UGT1A9: variants seen among roughly 807,000 people sequenced by gnomAD.
UGT1A9 encodes UDP-glucuronosyltransferase 1A9.
Under a neutral mutation model 45.0 loss-of-function variants are expected in UGT1A9, and 35 were observed. The ratio of observed to expected loss-of-function variants is 0.78; its 90% CI spans 0.59 to 1.03. The LOEUF (loss-of-function observed/expected upper bound fraction) is 1.03, where lower values mean the gene tolerates loss of function less well. UGT1A9 is among the 50% of genes least tolerant of loss of function. The probability of loss-of-function intolerance (pLI) is 0.00; values close to 1 mark genes in which losing one functional copy is unlikely to be tolerated. For missense variants in UGT1A9, 687 were observed against 666.6 expected (o/e 1.03, Z -0.34); for synonymous variants, 278 against 250.6 (o/e 1.11, Z -1.03).
rs779826535 is a variant in UGT1A9 at position 233,768,441 on chromosome 2, TAAGA to T, written c.1295+8_1295+11del. ...AAAAGCAGTCATCAATGACAAAAGGTAAGAAAGAAGATACAGAAGAATACTTTGG... is the reference window on the plus strand; with the variant it reads ...AAAAGCAGTCATCAATGACAAAAGGTAAGAAGATACAGAAGAATACTTTGG... On this transcript the variant is annotated splice_donor_5th_base_variant and intron_variant, in intron 4 of 4. Coordinates refer to ENST00000354728, the MANE Select transcript of UGT1A9 (RefSeq NM_021027.3). 2 of 1,613,308 alleles carry T rather than the reference TAAGA, an allele frequency of 1.2e-6. No individual in the cohort carries two copies. Among genetic ancestry groups the T allele is most frequent in the Non-Finnish European group, 1.7e-6 (2 of 1,179,602 alleles).
rs1325000150 is a variant in UGT1A9, at chr2:233,680,537, C to A, written c.855+7748C>A. Among the ~76,000 whole-genome samples the A allele has an allele frequency of 2.0e-5, 3 of 152,106 alleles. No individual in the cohort carries two copies. The East Asian group carries it at 5.8e-4, about 29-fold the overall frequency. The stretch of plus-strand genomic sequence containing the variant: ...TATGCCCTGAGGTTGGCTGTTGAAT[C>A]CCTCACGAAATGCTCCTCAGTGTGT... On this transcript the variant is annotated intron_variant, in intron 1 of 4. Coordinates refer to ENST00000354728, the MANE Select transcript of UGT1A9 (RefSeq NM_021027.3).
chr2:233,706,700 A>G (rs934221119), intron 1 of UGT1A9, among the ~76,000 whole-genome samples: 1 of 152,156 alleles, frequency 6.6e-6, no homozygotes, highest in African/African-American at 2.4e-5. Flanking sequence ...TTGTCACTGA[A>G]AAGTCATGGA....
chr2:233,748,218 T>C (rs1484955806), intron 1 of UGT1A9: 56 of 1,469,990 alleles, frequency 3.8e-5, no homozygotes, highest in Admixed American at 8.3e-5. Context: ...TTCAGTGAGA[T>C]AAACTGTTAA....
chr2:233,731,651 A>G (rs190900877), intron 1 of UGT1A9, among the ~76,000 whole-genome samples: 118 of 152,290 alleles, frequency 7.7e-4, no homozygotes, highest in Admixed American at 1.5e-3. Context: ...TCCATGGTGT[A>G]TATGTGCCAC....
chr2:233,741,310 C>A (rs184999730), intron 1 of UGT1A9, among the ~76,000 whole-genome samples: 1 of 151,634 alleles, frequency 6.6e-6, no homozygotes, highest in Admixed American at 6.5e-5. Flanking sequence ...AGATACACAC[C>A]AACTCATTCT....
intron 1 of UGT1A9, chr2:233,743,916 T>A: frequency 7.3e-7 from 1 of 1,364,598 alleles, no homozygotes; most frequent in South Asian, 1.1e-5. Context: ...TAGTCCACCA[T>A]GCTGGATGGC....
chr2:233,691,901 C>A (rs1410907796), intron 1 of UGT1A9: 2 of 153,208 alleles, frequency 1.3e-5, no homozygotes, highest in Non-Finnish European at 2.9e-5. Context: ...GACACAGCTC[C>A]TGAAACCATA....
At chr2:233,740,865 T>C (rs1159264843) in intron 1 of UGT1A9, 1 of 151,874 alleles carries the variant, frequency 6.6e-6, no homozygotes, top group Admixed American at 6.5e-5. Flanking sequence ...AAAAATTCTT[T>C]AAATAAAATG....
intron 1 of UGT1A9, among the ~76,000 whole-genome samples, chr2:233,703,171 CAG>C (rs2075726050): frequency 1.3e-5 from 2 of 152,058 alleles, no homozygotes; most frequent in African/African-American, 2.4e-5. Flanking sequence ...GATTCAATTT[CAG>C]TAGTTTGTTT....
chr2:233,729,223 G>T, intron 1 of UGT1A9: 1 of 1,614,166 alleles, frequency 6.2e-7, no homozygotes, highest in Non-Finnish European at 8.5e-7. Context: ...AAAGGTGTTG[G>T]TGGTGCCCAT....
chr2:233,729,936 G>T lies in UGT1A9; in HGVS notation c.856-37098G>T, dbSNP rs1335744695. On this transcript the variant is annotated intron_variant, in intron 1 of 4. Transcript: ENST00000354728. ...TGATGGACTACCCCAGGCCAATCAT[G>T]CCCAACATGGTCTTCATTGGGGGCA... 5 of 1,613,890 alleles carry T rather than the reference G, an allele frequency of 3.1e-6. No individual in the cohort carries two copies. In the African/African-American group the frequency reaches 6.7e-5, roughly 22 times the overall value.
chr2:233,699,825 A>T (rs556434145), intron 1 of UGT1A9, among the ~76,000 whole-genome samples: 2 of 152,202 alleles, frequency 1.3e-5, no homozygotes, highest in Non-Finnish European at 2.9e-5. Flanking sequence ...GTAGTTCTCA[A>T]ATAGAACTAA....
At chr2:233,710,606 T>C (rs2076139270) in intron 1 of UGT1A9, among the ~76,000 whole-genome samples, 1 of 152,202 alleles carries the variant, frequency 6.6e-6, no homozygotes, top group African/African-American at 2.4e-5. Flanking sequence ...ATTGGTTTGT[T>C]TGTCTTCTTA....
At chr2:233,765,550 G>T (rs1420630288) in intron 1 of UGT1A9, among the ~76,000 whole-genome samples, 1 of 152,098 alleles carries the variant, frequency 6.6e-6, no homozygotes, top group Non-Finnish European at 1.5e-5. Flanking sequence ...AGTGGGAGTT[G>T]AACAGTGAGA....
At chr2:233,743,874 A>T in intron 1 of UGT1A9, 1 of 1,367,118 alleles carries the variant, frequency 7.3e-7, no homozygotes, top group Non-Finnish European at 9.8e-7. Context: ...GCCTCGGATG[A>T]GGCCTGCCGG....
intron 1 of UGT1A9, among the ~76,000 whole-genome samples, chr2:233,718,327 CAATG>C (rs1387578184): frequency 6.6e-6 from 1 of 152,204 alleles, no homozygotes; most frequent in East Asian, 1.9e-4. Flanking sequence ...GCTGGCTTAG[CAATG>C]TTGTATGTCT....
chr2:233,697,882 A>T (rs28898578), intron 1 of UGT1A9, among the ~76,000 whole-genome samples: 1 of 152,322 alleles, frequency 6.6e-6, no homozygotes, highest in East Asian at 1.9e-4. Flanking sequence ...ATTTCTTACC[A>T]TTGATTGAAT....
intron 1 of UGT1A9, among the ~76,000 whole-genome samples, chr2:233,724,488 CG>C (rs1207122697): frequency 1.4e-5 from 1 of 72,502 alleles, no homozygotes; most frequent in Non-Finnish European, 2.9e-5. Context: ...TCAGACGGGG[CG>C]GCCGGGCAGA....
At chr2:233,710,721 A>T (rs1037353062) in intron 1 of UGT1A9, among the ~76,000 whole-genome samples, 4 of 152,174 alleles carry the variant, frequency 2.6e-5, no homozygotes, top group African/African-American at 9.7e-5. Flanking sequence ...TCATTTTTTA[A>T]AAAACAACGT....
Sources: gnomAD v4.1 joint callset for allele counts (sites outside exome capture counted in the v4.1 genomes callset) on GRCh38, gnomAD v4.1.1 for gene constraint, MANE v1.5 for transcripts, NCBI Gene and HGNC (gene_info 2026-07-23, HGNC 2026-07-21) for gene names.